Variants in TRIM49C observed in about 807,000 individuals in gnomAD.
TRIM49C encodes the protein tripartite motif-containing protein 49C.
A neutral mutation model predicts 21.4 loss-of-function variants in TRIM49C; 6 were observed. The observed-to-expected ratio is 0.28, with a 90% CI of 0.15 to 0.55. TRIM49C has a LOEUF of 0.55. Ranked by LOEUF, TRIM49C falls within the 20% of genes least tolerant of loss-of-function variation. The pLI is 0.94. For missense variants in TRIM49C, 161 were observed against 442.4 expected (o/e 0.36, Z 5.71); for synonymous variants, 57 against 148.1 (o/e 0.38, Z 4.47).
rs1950715007 is a variant in TRIM49C, at chr11:90,035,035, C to T, written c.-4-173C>T. On this transcript the variant is annotated intron_variant, in intron 2 of 7. Coordinates refer to ENST00000448984, the MANE Select transcript of TRIM49C (RefSeq NM_001195234.1). Reference sequence around the variant, plus strand: ...CTGGTTAGTAATATCTGTTATAAAGCCAGGAGACTCCCTCTAAGTGTAAAT... The same window carrying T: ...CTGGTTAGTAATATCTGTTATAAAGTCAGGAGACTCCCTCTAAGTGTAAAT... Among the ~76,000 whole-genome samples the T allele has an allele frequency of 1.5e-5, 2 of 135,342 alleles. 1 individual carries two copies. Among genetic ancestry groups the T allele is most frequent in the Non-Finnish European group, 3.2e-5 (2 of 63,308 alleles). The allele number at this position is 135,342 out of a possible 152,430, so 88.8% of individuals were successfully genotyped here.
intron 7 of TRIM49C, 56 bp from the exon 8 acceptor site, chr11:90,040,995 T>C: frequency 3.4e-6 from 5 of 1,467,300 alleles, no homozygotes; most frequent in Non-Finnish European, 4.5e-6. Flanking sequence ...GAACAATTAT[T>C]TTTTTCTTAT....
the TRIM49C span, chr11:90,062,910 C>T: frequency 3.6e-5 from 51 of 1,430,798 alleles, 5 homozygotes; most frequent in Non-Finnish European, 4.6e-5. Context: ...GCTGTGCCCA[C>T]AGTCAATGGT....
At chr11:90,062,668 A>C in the TRIM49C span, 1 of 1,485,812 alleles carries the variant, frequency 6.7e-7, no homozygotes, top group African/African-American at 1.6e-5. Flanking sequence ...CAGGGCCCAC[A>C]GAGCAATCTC....
At chr11:90,048,690 G>T in the TRIM49C span, among the ~76,000 whole-genome samples, 1 of 130,146 alleles carries the variant, frequency 7.7e-6, no homozygotes, top group South Asian at 2.8e-4. Context: ...AAGGTTTTTA[G>T]CTTCTTTGCA....
At chr11:90,036,777 A>C (rs1182543038) in intron 4 of TRIM49C, among the ~76,000 whole-genome samples, 3 of 138,488 alleles carry the variant, frequency 2.2e-5, no homozygotes, top group Non-Finnish European at 3.1e-5. Flanking sequence ...AAATCATACA[A>C]TCCAAATAAG....
rs999276809 is a variant in TRIM49C, at chr11:90,036,075, T to G, written c.507+92T>G. 2.4e-5 allele frequency: 24 copies of G among 1,008,426 alleles called. 2 individuals carry two copies. The highest frequency in any genetic ancestry group is 3.0e-5 in the Non-Finnish European group (23 of 774,332). The allele number at this position is 1,008,426 out of a possible 1,614,324, so 62.5% of individuals were successfully genotyped here. The stretch of plus-strand genomic sequence containing the variant: ...GGAACTTGATATCAAACTGTAATGT[T>G]TCTGGGATACAGTAAAAAAAAAAAG... On this transcript the variant is annotated intron_variant, in intron 4 of 7. Transcript: ENST00000448984.
At chr11:90,052,009 TG>T in the TRIM49C span, 1 of 1,004,884 alleles carries the variant, frequency 1.0e-6, no homozygotes, top group Non-Finnish European at 1.4e-6. Flanking sequence ...CCTCTTGGGC[TG>T]GAAGGTGGGC....
At chr11:90,062,788 T>A in the TRIM49C span, 1 of 1,420,748 alleles carries the variant, frequency 7.0e-7, no homozygotes. Flanking sequence ...GACAGCTTTT[T>A]GAGTACCACA....
the TRIM49C span, among the ~76,000 whole-genome samples, chr11:90,065,935 G>A: frequency 7.4e-6 from 1 of 134,334 alleles, no homozygotes; most frequent in Non-Finnish European, 1.6e-5. Context: ...CAGCCTGGGT[G>A]ACAGAGCGAG....
chr11:90,042,970 CAT>C (rs1260762551), downstream of TRIM49C, among the ~76,000 whole-genome samples: 1 of 116,046 alleles, frequency 8.6e-6, no homozygotes, highest in Non-Finnish European at 1.7e-5. Context: ...AGTTAATAAA[CAT>C]ATGCCAATTT....
intron 5 of TRIM49C, 98 bp from the exon 6 acceptor site, chr11:90,038,595 T>G (rs540776795): frequency 9.1e-7 from 1 of 1,094,934 alleles, no homozygotes; most frequent in African/African-American, 1.6e-5. Context: ...GGTAGGGAAA[T>G]AATATCTTCA....
chr11:90,032,304 T>C (rs2134811573), intron 1 of TRIM49C, 93 bp from the exon 2 acceptor site: 1 of 131,386 alleles, frequency 7.6e-6, no homozygotes, highest in East Asian at 2.2e-4. Context: ...GCTGCAAAGG[T>C]GTGTTCTAAA....
chr11:90,064,488 C>T, the TRIM49C span, among the ~76,000 whole-genome samples: 28,232 of 140,492 alleles, frequency 0.2, 273 homozygotes, highest in African/African-American at 0.33. Flanking sequence ...TCACCTTTCC[C>T]CTTAGTGACT....
chr11:90,068,605 G>T, the TRIM49C span, among the ~76,000 whole-genome samples: 1 of 143,854 alleles, frequency 7.0e-6, no homozygotes, highest in African/African-American at 2.5e-5. Context: ...CTAAGCCAAT[G>T]CAGAAATGAA....
chr11:90,061,651 T>C, the TRIM49C span, among the ~76,000 whole-genome samples: 3 of 111,564 alleles, frequency 2.7e-5, no homozygotes, highest in East Asian at 2.6e-4. Context: ...TATATACTAT[T>C]CTATTTCTTT....
the TRIM49C span, among the ~76,000 whole-genome samples, chr11:90,070,395 C>T: frequency 6.2e-5 from 8 of 128,264 alleles, no homozygotes; most frequent in African/African-American, 2.3e-4. Context: ...TATCTCTCAT[C>T]CAGCTCAGAC....
At chr11:90,047,903 G>A in the TRIM49C span, among the ~76,000 whole-genome samples, 1 of 120,230 alleles carries the variant, frequency 8.3e-6, no homozygotes, top group East Asian at 2.5e-4. Context: ...GCAGTGGCTG[G>A]TACTGGTTCT....
the TRIM49C span, among the ~76,000 whole-genome samples, chr11:90,066,979 G>T: frequency 2.2e-5 from 3 of 137,012 alleles, 1 homozygote; most frequent in African/African-American, 7.9e-5. Context: ...AGTTGGCCAG[G>T]CTGGACTCGA....
the TRIM49C span, chr11:90,073,240 G>C: frequency 2.2e-5 from 22 of 998,250 alleles, no homozygotes; most frequent in Non-Finnish European, 3.2e-5. Flanking sequence ...ACTATGTAGA[G>C]AAACCTCTGG....
Sources: gnomAD v4.1 joint callset for allele counts (sites outside exome capture counted in the v4.1 genomes callset) on GRCh38, gnomAD v4.1.1 for gene constraint, MANE v1.5 for transcripts, NCBI Gene and HGNC (gene_info 2026-07-23, HGNC 2026-07-21) for gene names.